PCDHGB3: variants seen among roughly 807,000 people sequenced by gnomAD.
The protein encoded by PCDHGB3 is protocadherin gamma subfamily B, 3.
PCDHGB3 carries 40 observed loss-of-function variants against 59.2 expected under a neutral mutation model. That is an observed-to-expected ratio of 0.68 (90% CI 0.52 to 0.88). The LOEUF (loss-of-function observed/expected upper bound fraction) is 0.88, where lower values mean the gene tolerates loss of function less well. Ranked by LOEUF, PCDHGB3 falls within the 40% of genes least tolerant of loss-of-function variation. PCDHGB3 has a pLI of 0.00. For synonymous variants in PCDHGB3, 581 were observed against 503.6 expected (o/e 1.15, Z -2.06); for missense variants, 1,309 against 1,187.9 (o/e 1.10, Z -1.50).
intron 1 of PCDHGB3, among the ~76,000 whole-genome samples, chr5:141,438,039 C>T (rs1373700448): frequency 6.6e-6 from 1 of 152,024 alleles, no homozygotes; most frequent in Non-Finnish European, 1.5e-5. Flanking sequence ...CCATGCCCGA[C>T]CACTTTGAGT....
At chr5:141,409,867 C>T (rs376725837) in intron 1 of PCDHGB3, 35 of 1,612,662 alleles carry the variant, frequency 2.2e-5, no homozygotes, top group African/African-American at 2.1e-4. Flanking sequence ...TGGGAGACCG[C>T]AATGACAACG....
rs1487863444 is a variant in PCDHGB3 at position 141,491,016 on chromosome 5, G to A, written c.2416-3791G>A. On this transcript the variant is annotated intron_variant, in intron 1 of 3. Transcript: ENST00000576222. This position sits in a 1 kb window ranked among gnomAD's most constrained non-coding sequence, Gnocchi z 6.9. ...CTCCTGGCTCCTTGGTCACCAAGGTGACAGCCGTGGATGCTGATGCAGGCC... is the reference window on the plus strand; with the variant it reads ...CTCCTGGCTCCTTGGTCACCAAGGTAACAGCCGTGGATGCTGATGCAGGCC... 2.5e-6 allele frequency: 4 copies of A among 1,614,136 alleles called. No individual in the cohort carries two copies. The African/African-American group carries it at 5.3e-5, about 22-fold the overall frequency.
In PCDHGB3 at chr5:141,487,087, C is replaced by G. The variant is rs752261507; in HGVS notation, c.2416-7720C>G. 1.2e-6 allele frequency: 2 copies of G among 1,613,890 alleles called. No homozygotes were observed. Among genetic ancestry groups the G allele is most frequent in the Non-Finnish European group, 1.7e-6 (2 of 1,179,804 alleles). ...CGGCTGTTCCTATCCCAGCTGACCT[C>G]CCACCACAGAAGCTGGTCATTGTGG... On this transcript the variant is annotated intron_variant, in intron 1 of 3. Transcript: ENST00000576222. The surrounding 1 kb of genome is among the most constrained non-coding windows in gnomAD (Gnocchi z 5.0).
chr5:141,376,309 C>G, intron 1 of PCDHGB3: 1 of 1,614,148 alleles, frequency 6.2e-7, no homozygotes, highest in Non-Finnish European at 8.5e-7. Flanking sequence ...ACTTTGTGGG[C>G]GTGGAAGGGG....
At chr5:141,421,843 G>C (rs769652818) in intron 1 of PCDHGB3, 1 of 1,613,798 alleles carries the variant, frequency 6.2e-7, no homozygotes, top group Non-Finnish European at 8.5e-7. Context: ...CCGAGAGAAA[G>C]AGGCTGCTCA....
At chr5:141,404,518 T>C (rs775647026) in intron 1 of PCDHGB3, 16 of 1,613,656 alleles carry the variant, frequency 9.9e-6, no homozygotes, top group Non-Finnish European at 1.4e-5. Flanking sequence ...CCTTTGACTA[T>C]GAGCAGTTTA....
chr5:141,398,707 C>T, intron 1 of PCDHGB3: 1 of 1,613,860 alleles, frequency 6.2e-7, no homozygotes, highest in Non-Finnish European at 8.5e-7. Flanking sequence ...ATACCCGGAA[C>T]TGGCACTGGA....
Position 141,432,108 on chromosome 5 carries a change from C to G in PCDHGB3, c.2415+59299C>G. ...GTGGCAGACACCAACGACAACCCGC[C>G]GGTCTTCCCTCAGGCCTCCTATTCC... On this transcript the variant is annotated intron_variant, in intron 1 of 3. Coordinates refer to ENST00000576222, the MANE Select transcript of PCDHGB3 (RefSeq NM_018924.5). The surrounding 1 kb of genome is among the most constrained non-coding windows in gnomAD (Gnocchi z 6.0). 4 of 1,614,180 alleles carry G rather than the reference C, an allele frequency of 2.5e-6. No homozygotes were observed. The highest frequency in any genetic ancestry group is 3.4e-6 in the Non-Finnish European group (4 of 1,180,046).
chr5:141,410,682 C>T (rs1589771736), intron 1 of PCDHGB3: 2 of 1,531,954 alleles, frequency 1.3e-6, no homozygotes, highest in South Asian at 1.2e-5. Context: ...ATATTTTAGG[C>T]ATACTACTTT....
At chr5:141,478,460 C>G (rs759992881) in intron 1 of PCDHGB3, 1 of 1,613,344 alleles carries the variant, frequency 6.2e-7, no homozygotes, top group East Asian at 2.2e-5. Flanking sequence ...AGCCAGTCCA[C>G]TGGCCAGCCG....
chr5:141,445,034 A>T (rs963629240), intron 1 of PCDHGB3, among the ~76,000 whole-genome samples: 4 of 152,156 alleles, frequency 2.6e-5, no homozygotes, highest in Admixed American at 2.0e-4. Context: ...GCTATGTTGT[A>T]TAGTTTTCAG....
rs1385028650 is a variant in PCDHGB3 at position 141,372,626 on chromosome 5, C to T, written c.2232C>T (p.Ser744=). 3 of 1,613,792 alleles carry T rather than the reference C, an allele frequency of 1.9e-6. No homozygotes were observed. Among genetic ancestry groups the T allele is most frequent in the East Asian group, 2.2e-5 (1 of 44,892 alleles). The change falls in exon 1 of 4, where the codon AGC becomes AGT. Residue 744 remains serine, a synonymous_variant. Coordinates refer to ENST00000576222, the MANE Select transcript of PCDHGB3 (RefSeq NM_018924.5). The stretch of plus-strand genomic sequence containing the variant: ...TACCTGGAGTTCTCCCCACCTACAG[C>T]GAAAGGACTTTGCCTTATTCCTACA... ...KTVPGVLPTY[S]ERTLPYSYNP... is the part of the protein sequence containing the mutation.
chr5:141,457,877 C>A (rs1488774514), intron 1 of PCDHGB3, among the ~76,000 whole-genome samples: 1 of 152,196 alleles, frequency 6.6e-6, no homozygotes, highest in Admixed American at 6.6e-5. Context: ...AGGTTAGGAA[C>A]CCTGTGTGGG....
chr5:141,453,387 G>A (rs1313174494), intron 1 of PCDHGB3, among the ~76,000 whole-genome samples: 1 of 151,936 alleles, frequency 6.6e-6, no homozygotes, highest in Non-Finnish European at 1.5e-5. Flanking sequence ...TCCTGCCTTA[G>A]CCTCCAAGTG....
Position 141,487,779 on chromosome 5 carries a change from T to C in PCDHGB3, c.2416-7028T>C, listed in dbSNP as rs1269811316. On this transcript the variant is annotated intron_variant, in intron 1 of 3. Coordinates refer to ENST00000576222, the MANE Select transcript of PCDHGB3 (RefSeq NM_018924.5). This position sits in a 1 kb window ranked among gnomAD's most constrained non-coding sequence, Gnocchi z 5.0. ...GTAGACGCTGTGCTTTGTAACTGTT[T>C]CGTGAATTAACCAGAGTTGTCACAG... is the stretch of plus-strand genomic sequence containing the variant. 2.6e-6 allele frequency: 4 copies of C among 1,530,492 alleles called. No individual in the cohort carries two copies. The highest frequency in any genetic ancestry group is 2.6e-6 in the Non-Finnish European group (3 of 1,133,212). The allele number at this position is 1,530,492 out of a possible 1,614,324, so 94.8% of individuals were successfully genotyped here. A position where few individuals can be genotyped will look rare whatever the true frequency, so the allele number is the denominator to read the frequency against.
At position 141,409,103 on chromosome 5, in the gene PCDHGB3, A is replaced by G. The variant is rs750657192; in HGVS notation, c.2415+36294A>G. The G allele has an allele frequency of 6.8e-6, 11 of 1,613,926 alleles. No individual in the cohort carries two copies. Among genetic ancestry groups the G allele is most frequent in the Non-Finnish European group, 9.3e-6 (11 of 1,179,900 alleles). On this transcript the variant is annotated intron_variant, in intron 1 of 3. Coordinates refer to ENST00000576222, the MANE Select transcript of PCDHGB3 (RefSeq NM_018924.5). ...CTCATTGGATGAGAAAACAGGTATG[A>G]TTAAGAATAACCAGTCATTTGATTT...
chr5:141,430,987 C>T (rs1171599563), intron 1 of PCDHGB3: 2 of 1,613,690 alleles, frequency 1.2e-6, no homozygotes, highest in African/African-American at 2.7e-5. Context: ...AGCTTTTCGC[C>T]CTGAATCCGC....
rs780671252 is a variant in PCDHGB3, at chr5:141,398,519, C to G, written c.2415+25710C>G. 3.1e-6 allele frequency: 5 copies of G among 1,595,048 alleles called. No homozygotes were observed. The Admixed American group carries it at 6.8e-5, about 22-fold the overall frequency. On this transcript the variant is annotated intron_variant, in intron 1 of 3. Coordinates refer to ENST00000576222, the MANE Select transcript of PCDHGB3 (RefSeq NM_018924.5). ...ATCGAGGACATTAATGACCACACGC[C>G]AAAATTCACGCAAAATTCCTTTGAG...
chr5:141,434,547 A>G (rs1277148299), intron 1 of PCDHGB3, among the ~76,000 whole-genome samples: 1 of 152,232 alleles, frequency 6.6e-6, no homozygotes, highest in East Asian at 1.9e-4. Context: ...AGCATGAGTG[A>G]TCTGTGCCTT....
Sources: gnomAD v4.1 joint callset for allele counts (sites outside exome capture counted in the v4.1 genomes callset) on GRCh38, gnomAD v4.1.1 for gene constraint, Gnocchi (gnomAD v3.1) non-coding constraint, MANE v1.5 for transcripts, NCBI Gene and HGNC (gene_info 2026-07-23, HGNC 2026-07-21) for gene names.